The following ADGRL3 variants were observed in gnomAD, a reference collection of about 807,000 sequenced individuals.
The protein encoded by ADGRL3 is calcium-independent alpha-latrotoxin receptor 3.
ADGRL3 carries 62 observed loss-of-function variants against 153.5 expected under a neutral mutation model. The observed-to-expected ratio is 0.40, with a 90% confidence interval of 0.33 to 0.50. The LOEUF is 0.50. Among genes scored for constraint, ADGRL3 ranks in the 20% least tolerant of loss-of-function variants. The pLI, the probability that ADGRL3 is intolerant of heterozygous loss-of-function variation, is 0.47. For missense variants in ADGRL3, 1,641 were observed against 1,859.4 expected (o/e 0.88, Z 2.16); for synonymous variants, 710 against 672.5 (o/e 1.06, Z -0.86).
intron 2 of ADGRL3, among the ~76,000 whole-genome samples, chr4:61,467,739 C>T (rs1267315977): frequency 1.3e-5 from 2 of 151,972 alleles, no homozygotes; most frequent in Non-Finnish European, 2.9e-5. Flanking sequence ...TTCAGTAGTA[C>T]AGATGAAATA....
intron 1 of ADGRL3, among the ~76,000 whole-genome samples, chr4:61,298,757 A>G (rs1169130710): frequency 6.6e-6 from 1 of 152,220 alleles, no homozygotes; most frequent in Non-Finnish European, 1.5e-5. Context: ...ATCCCATTGT[A>G]CGTTTTGACA....
chr4:61,344,495 T>C lies in ADGRL3; in HGVS notation c.-239-38629T>C, dbSNP rs75401221. 1.9e-3 allele frequency among the ~76,000 whole-genome samples: 294 copies of C among 152,312 alleles called. 6 individuals are homozygous for C. The East Asian group carries it at 0.042, about 22-fold the overall frequency. On this transcript the variant is annotated intron_variant, in intron 1 of 26. Transcript: ENST00000683033. Reference sequence around the variant, plus strand: ...TCCCCTAAAAGGTCAGCCAAAGTCCTGCTTCTGTCTACTATTCCCTTGAAA... The same window carrying C: ...TCCCCTAAAAGGTCAGCCAAAGTCCCGCTTCTGTCTACTATTCCCTTGAAA...
At chr4:61,739,940 G>C (rs1200808835) in intron 8 of ADGRL3, among the ~76,000 whole-genome samples, 3 of 152,180 alleles carry the variant, frequency 2.0e-5, no homozygotes, top group Non-Finnish European at 2.9e-5. Flanking sequence ...TTGACAAATT[G>C]TAGGGATTTC....
chr4:61,821,894 G>A (rs2097759340), intron 9 of ADGRL3, among the ~76,000 whole-genome samples: 1 of 152,098 alleles, frequency 6.6e-6, no homozygotes, highest in Non-Finnish European at 1.5e-5. Context: ...ATTAGAAATA[G>A]GCTGTAGCCA....
At chr4:61,452,906 A>T (rs1377073780) in intron 2 of ADGRL3, among the ~76,000 whole-genome samples, 1 of 152,274 alleles carries the variant, frequency 6.6e-6, no homozygotes, top group Non-Finnish European at 1.5e-5. Flanking sequence ...TAAAAAAAAT[A>T]TTGTATAGAC....
chr4:61,914,928 C>G (rs948509707), intron 13 of ADGRL3, among the ~76,000 whole-genome samples: 2 of 152,008 alleles, frequency 1.3e-5, no homozygotes, highest in Non-Finnish European at 2.9e-5. Context: ...ATTCTTATTA[C>G]TTTAATCTCA....
chr4:61,933,928 G>A (rs1327389415), intron 13 of ADGRL3: 1 of 152,120 alleles, frequency 6.6e-6, no homozygotes, highest in Non-Finnish European at 1.5e-5. Flanking sequence ...ATAATGAATT[G>A]GGTTCAGGGA....
intron 2 of ADGRL3, among the ~76,000 whole-genome samples, chr4:61,468,005 C>A (rs1164783294): frequency 6.6e-6 from 1 of 152,074 alleles, no homozygotes; most frequent in Non-Finnish European, 1.5e-5. Flanking sequence ...AATAAATAAC[C>A]ATTCTCTAAC....
At chr4:62,064,824 C>T (rs993795681) in intron 25 of ADGRL3, among the ~76,000 whole-genome samples, 1 of 151,908 alleles carries the variant, frequency 6.6e-6, no homozygotes, top group South Asian at 2.1e-4. Flanking sequence ...GGCATCTTGC[C>T]AGATGCGGAG....
At chr4:61,677,051 G>A in intron 6 of ADGRL3, 116 bp downstream of exon 6, 3 of 741,556 alleles carry the variant, frequency 4.0e-6, no homozygotes, top group Non-Finnish European at 6.8e-6. Context: ...TGAAAAAATT[G>A]GCTAATATTA....
At chr4:61,789,066 C>A (rs1450575589) in intron 8 of ADGRL3, among the ~76,000 whole-genome samples, 1 of 151,932 alleles carries the variant, frequency 6.6e-6, no homozygotes, top group African/African-American at 2.4e-5. Context: ...ATTAGAAATT[C>A]ATGCATTATG....
At chr4:61,823,506 A>G (rs993898891) in intron 9 of ADGRL3, among the ~76,000 whole-genome samples, 16 of 152,142 alleles carry the variant, frequency 1.1e-4, no homozygotes, top group Non-Finnish European at 1.5e-4. Context: ...ATTTGTTCCC[A>G]GCTCTATTCT....
intron 25 of ADGRL3, 81 bp from the exon 26 acceptor site, chr4:62,068,085 G>T: frequency 3.3e-6 from 3 of 896,026 alleles, no homozygotes; most frequent in Non-Finnish European, 3.3e-6. Flanking sequence ...TCATCAATTT[G>T]CTTTTTACTC....
intron 13 of ADGRL3, among the ~76,000 whole-genome samples, chr4:61,926,002 G>A (rs2098792830): frequency 6.6e-6 from 1 of 152,136 alleles, no homozygotes; most frequent in Non-Finnish European, 1.5e-5. Flanking sequence ...GGGACAGCAT[G>A]TTACACACCT....
rs534547590 is a variant in ADGRL3 at position 61,444,621 on chromosome 4, T to C, written c.-173-52500T>C. Among the ~76,000 whole-genome samples the C allele has an allele frequency of 2.0e-5, 3 of 152,312 alleles. No homozygotes were observed. In the East Asian group the frequency reaches 5.8e-4, roughly 29 times the overall value. The stretch of plus-strand genomic sequence containing the variant: ...TTATACTTTCACCCTCTCCCATGCA[T>C]ATGTTCCCTGACTCCAGGATTTTTT... On this transcript the variant is annotated intron_variant, in intron 2 of 26. Transcript: ENST00000683033.
chr4:61,646,520 G>A (rs1256218601), intron 5 of ADGRL3, among the ~76,000 whole-genome samples: 2 of 151,282 alleles, frequency 1.3e-5, no homozygotes, highest in Non-Finnish European at 2.9e-5. Context: ...CTGCAGGTCT[G>A]TTGGAGTACT....
chr4:61,391,855 C>CTTTTTTTTT lies in ADGRL3; in HGVS notation c.-174+8680_-174+8688dup, dbSNP rs869176171. Among the ~76,000 whole-genome samples, 8 of 93,640 alleles carry CTTTTTTTTT rather than the reference C, an allele frequency of 8.5e-5. 3 individuals are homozygous for CTTTTTTTTT. The highest frequency in any genetic ancestry group is 6.1e-5 in the Non-Finnish European group (3 of 49,096). The allele number at this position is 93,640 out of a possible 152,430, so 61.4% of individuals were successfully genotyped here. A position where few individuals can be genotyped will look rare whatever the true frequency, so the allele number is the denominator to read the frequency against. On this transcript the variant is annotated intron_variant, in intron 2 of 26. Transcript: ENST00000683033. ...AAAATTATCCAAGTGAAAAATGCTA[C>CTTTTTTTTT]TTTTTTTTTTTTTTTTTTTTTTGAG...
At chr4:61,890,909 A>G (rs1444013297) in intron 9 of ADGRL3, among the ~76,000 whole-genome samples, 1 of 152,170 alleles carries the variant, frequency 6.6e-6, no homozygotes, top group Non-Finnish European at 1.5e-5. Flanking sequence ...TCTTTATTGT[A>G]GGTAATGTTT....
rs112935388 is a variant in ADGRL3 at position 61,723,326 on chromosome 4, C to T, written c.584-7296C>T. On this transcript the variant is annotated intron_variant, in intron 6 of 26. Coordinates refer to ENST00000683033, the MANE Select transcript of ADGRL3 (RefSeq NM_001387552.1). Reference sequence around the variant, plus strand: ...TGGCTCCAATGACCGGAGAAACACCCTGGTCCCTTGTCTCACACGGATAAG... The same window carrying T: ...TGGCTCCAATGACCGGAGAAACACCTTGGTCCCTTGTCTCACACGGATAAG... 5.9e-5 allele frequency among the ~76,000 whole-genome samples: 9 copies of T among 152,286 alleles called. 1 individual carries two copies. The highest frequency in any genetic ancestry group is 2.2e-4 in the African/African-American group (9 of 41,552).
Sources: gnomAD v4.1 joint callset for allele counts (sites outside exome capture counted in the v4.1 genomes callset) on GRCh38, gnomAD v4.1.1 for gene constraint, MANE v1.5 for transcripts, NCBI Gene and HGNC (gene_info 2026-07-23, HGNC 2026-07-21) for gene names.